Variants in ATP8A2 observed in about 807,000 individuals in gnomAD.
ATP8A2 encodes phospholipid-transporting ATPase IB.
ATP8A2 carries 100 observed loss-of-function variants against 165.6 expected under a neutral mutation model. The ratio of observed to expected loss-of-function variants is 0.60; its 90% CI spans 0.51 to 0.71. ATP8A2 has a LOEUF of 0.71. Ranked by LOEUF, ATP8A2 falls within the 30% of genes least tolerant of loss-of-function variation. The pLI is 0.00. For missense variants in ATP8A2, 1,227 were observed against 1,479.5 expected, an observed-to-expected ratio of 0.83 and a Z score of 2.80; for synonymous variants, 543 against 548.8, an observed-to-expected ratio of 0.99 and a Z score of 0.15.
chr13:25,480,724 C>T (rs1177636948), intron 2 of ATP8A2, among the ~76,000 whole-genome samples: 1 of 151,212 alleles, frequency 6.6e-6, no homozygotes, highest in Non-Finnish European at 1.5e-5. Context: ...GGTGGCCAGG[C>T]AGAGACGCTC....
At chr13:25,563,602 A>T (rs142291639) in intron 15 of ATP8A2, among the ~76,000 whole-genome samples, 1 of 152,016 alleles carries the variant, frequency 6.6e-6, no homozygotes. Flanking sequence ...CTCTTGTTTT[A>T]TTTGCTGTGA....
intron 27 of ATP8A2, among the ~76,000 whole-genome samples, chr13:25,775,413 C>T (rs1353660939): frequency 6.6e-6 from 1 of 152,134 alleles, no homozygotes; most frequent in East Asian, 1.9e-4. Flanking sequence ...CTGCAAGTTT[C>T]CTAGCATCCA....
chr13:25,804,310 A>G lies in ATP8A2; in HGVS notation c.2680-23808A>G, dbSNP rs536630884. 2.8e-4 allele frequency among the ~76,000 whole-genome samples: 42 copies of G among 152,302 alleles called. 1 individual carries two copies. In the South Asian group the frequency reaches 8.7e-3, roughly 32 times the overall value. ...ATTACAGCTTGTATTAAAAGTGTAA[A>G]GATAGAAATAAGTGGTGCCTGTTTA... On this transcript the variant is annotated intron_variant, in intron 27 of 36. Transcript: ENST00000381655.
chr13:25,530,774 T>C lies in ATP8A2; in HGVS notation c.420+114T>C. The C allele has an allele frequency of 6.1e-6, 4 of 656,946 alleles. No individual in the cohort carries two copies. The South Asian group carries it at 7.3e-5, about 12-fold the overall frequency. The allele number at this position is 656,946 out of a possible 1,614,324, so 40.7% of individuals were successfully genotyped here. Reference sequence around the variant, plus strand: ...ATTGGGCTATAGCTTAACCAGCCTCTTTAGACACCTGATGGTATTTTTAGG... The same window carrying C: ...ATTGGGCTATAGCTTAACCAGCCTCCTTAGACACCTGATGGTATTTTTAGG... On this transcript the variant is annotated intron_variant, in intron 4 of 36. Transcript: ENST00000381655.
At chr13:25,895,242 G>A (rs1306521710) in intron 33 of ATP8A2, among the ~76,000 whole-genome samples, 17 of 152,210 alleles carry the variant, frequency 1.1e-4, no homozygotes, top group Non-Finnish European at 2.4e-4. Context: ...TTTTTAGCAT[G>A]AAGGTTGTTG....
chr13:25,482,760 T>C (rs1042448443), intron 2 of ATP8A2, among the ~76,000 whole-genome samples: 1 of 152,322 alleles, frequency 6.6e-6, no homozygotes, highest in South Asian at 2.1e-4. Context: ...CTGATGGTTT[T>C]ATCAGGGGTT....
intron 24 of ATP8A2, among the ~76,000 whole-genome samples, chr13:25,602,005 A>G (rs973236807): frequency 6.6e-6 from 1 of 151,002 alleles, no homozygotes; most frequent in African/African-American, 2.4e-5. Context: ...GAAACTTTCT[A>G]TTTTTTTTTC....
At chr13:25,405,672 C>T (rs1358657006) in intron 1 of ATP8A2, among the ~76,000 whole-genome samples, 1 of 152,036 alleles carries the variant, frequency 6.6e-6, no homozygotes, top group Non-Finnish European at 1.5e-5. Flanking sequence ...CATTCAGGGC[C>T]ACACCTTCTG....
rs1299777316 is a variant in ATP8A2, at chr13:25,563,996, G to A, written c.1438G>A (p.Asp480Asn). The change falls in exon 16 of 37, where the codon GAC (aspartate) becomes AAC (asparagine). Residue 480 changes from aspartate to asparagine, a missense_variant. This residue lies in a region of ATP8A2 where 592 missense variants were observed against 785.6 expected (regional missense o/e 0.75). Coordinates refer to ENST00000381655, the MANE Select transcript of ATP8A2 (RefSeq NM_016529.6). ...PPCSDSCDFDDPRLLKNIEDR... is the reference protein window; with the variant it reads ...PPCSDSCDFDNPRLLKNIEDR... ...CTGTAGTGATTCCTGTGACTTTGAT[G>A]ACCCCAGGCTGTTGAAGAACATTGA... The A allele has an allele frequency of 3.1e-6, 5 of 1,613,476 alleles. No individual in the cohort carries two copies. The East Asian group carries it at 6.7e-5, about 22-fold the overall frequency.
At chr13:25,662,956 A>G (rs2042081454) in intron 24 of ATP8A2, among the ~76,000 whole-genome samples, 1 of 152,212 alleles carries the variant, frequency 6.6e-6, no homozygotes, top group South Asian at 2.1e-4. Flanking sequence ...TTCATCTGGA[A>G]CTGAAATAGC....
Position 25,626,145 on chromosome 13 carries a change from A to G in ATP8A2, c.2211+36446A>G, listed in dbSNP as rs537591940. ...ACTTTTGGGTGCTAACCACAATTTTAGGCAGCTGGGAATACACGATTAGAA... is the reference window on the plus strand; with the variant it reads ...ACTTTTGGGTGCTAACCACAATTTTGGGCAGCTGGGAATACACGATTAGAA... On this transcript the variant is annotated intron_variant, in intron 24 of 36. Transcript: ENST00000381655. Among the ~76,000 whole-genome samples the G allele has an allele frequency of 2.6e-5, 4 of 152,326 alleles. No homozygotes were observed. In the South Asian group the frequency reaches 8.3e-4, roughly 32 times the overall value.
intron 25 of ATP8A2, among the ~76,000 whole-genome samples, chr13:25,730,885 G>A (rs2043606591): frequency 6.6e-6 from 1 of 151,958 alleles, no homozygotes; most frequent in South Asian, 2.1e-4. Context: ...AGACCAGCCT[G>A]GGAAACAAAG....
intron 2 of ATP8A2, among the ~76,000 whole-genome samples, chr13:25,520,359 T>G (rs2037622623): frequency 6.6e-6 from 1 of 152,220 alleles, no homozygotes; most frequent in Non-Finnish European, 1.5e-5. Context: ...CTCATTCATT[T>G]TTTGTGGCTG....
At chr13:25,470,388 C>T (rs2035809633) in intron 2 of ATP8A2, among the ~76,000 whole-genome samples, 1 of 152,222 alleles carries the variant, frequency 6.6e-6, no homozygotes, top group Admixed American at 6.5e-5. Context: ...TGAGTTACCA[C>T]TTCACAAACT....
intron 24 of ATP8A2, among the ~76,000 whole-genome samples, chr13:25,636,611 A>G (rs1380922663): frequency 6.6e-6 from 1 of 152,180 alleles, no homozygotes; most frequent in Non-Finnish European, 1.5e-5. Flanking sequence ...AGCATAAACA[A>G]ACATGAACCT....
chr13:25,829,668 G>GTACATATATATA (rs1951406043), intron 28 of ATP8A2, among the ~76,000 whole-genome samples: 1 of 63,394 alleles, frequency 1.6e-5, no homozygotes, highest in African/African-American at 6.2e-5. Flanking sequence ...GACAGGTGTG[G>GTACATATATATA]TATATATATA....
intron 2 of ATP8A2, among the ~76,000 whole-genome samples, chr13:25,521,179 T>C (rs1425364142): frequency 6.6e-6 from 1 of 152,234 alleles, no homozygotes; most frequent in Non-Finnish European, 1.5e-5. Flanking sequence ...TCTATTCAGA[T>C]CTTTTATGCA....
chr13:25,526,522 G>C (rs530510554), intron 2 of ATP8A2, among the ~76,000 whole-genome samples: 2 of 152,220 alleles, frequency 1.3e-5, no homozygotes, highest in African/African-American at 4.8e-5. Flanking sequence ...CTCCTTTTCA[G>C]CATTAGATGG....
chr13:25,442,351 A>G (rs974745991), intron 1 of ATP8A2, among the ~76,000 whole-genome samples: 1 of 152,168 alleles, frequency 6.6e-6, no homozygotes, highest in Non-Finnish European at 1.5e-5. Context: ...GCACCATTTT[A>G]TATTCCCACC....
Sources: gnomAD v4.1 joint callset for allele counts (sites outside exome capture counted in the v4.1 genomes callset) on GRCh38, gnomAD v4.1.1 for gene constraint, gnomAD v4.1.1 regional missense constraint, MANE v1.5 for transcripts, NCBI Gene and HGNC (gene_info 2026-07-23, HGNC 2026-07-21) for gene names.